The following CNTNAP2 variants were observed in gnomAD, a reference collection of about 807,000 sequenced individuals.
CNTNAP2 encodes the protein contactin associated protein 2.
Under a neutral mutation model 155.2 loss-of-function variants are expected in CNTNAP2, and 98 were observed. That is an observed-to-expected ratio of 0.63 (90% CI 0.54 to 0.75). CNTNAP2 has a LOEUF of 0.75. Ranked by LOEUF, CNTNAP2 falls within the 30% of genes least tolerant of loss-of-function variation. The probability of loss-of-function intolerance (pLI) is 0.00; values close to 1 mark genes in which losing one functional copy is unlikely to be tolerated. For synonymous variants in CNTNAP2, 651 were observed against 631.2 expected (o/e 1.03, Z -0.47); for missense variants, 1,727 against 1,688.1 (o/e 1.02, Z -0.40).
At chr7:146,856,281 GATAGATAGATAGATAGATAC>G (rs1395996568) in intron 3 of CNTNAP2, among the ~76,000 whole-genome samples, 2,624 of 138,930 alleles carry the variant, frequency 0.019, 40 homozygotes, top group African/African-American at 0.049. Flanking sequence ...TAGATAGATA[GATAGATAGATAGATAGATAC>G]ATACATACAT....
chr7:147,510,182 C>A (rs771912416), intron 11 of CNTNAP2, among the ~76,000 whole-genome samples: 4 of 152,138 alleles, frequency 2.6e-5, no homozygotes, highest in African/African-American at 4.8e-5. Flanking sequence ...GAAGATGAAA[C>A]CTGTCTGGGG....
At position 148,331,551 on chromosome 7, in the gene CNTNAP2, T is replaced by G. The variant is rs1798012994; in HGVS notation, c.3476-52098T>G. Among the ~76,000 whole-genome samples the G allele has an allele frequency of 1.3e-5, 2 of 149,670 alleles. 1 individual carries two copies. The highest frequency in any genetic ancestry group is 1.3e-4 in the Admixed American group (2 of 15,108). ...TGGATGGACGGATGGAGTGGATGGA[T>G]GGAATGGACGGATGGAGTGGATGGA... On this transcript the variant is annotated intron_variant, in intron 21 of 23. Coordinates refer to ENST00000361727, the MANE Select transcript of CNTNAP2 (RefSeq NM_014141.6).
chr7:147,286,113 A>G (rs1563146381), intron 8 of CNTNAP2, among the ~76,000 whole-genome samples: 1 of 152,098 alleles, frequency 6.6e-6, no homozygotes, highest in Non-Finnish European at 1.5e-5. Flanking sequence ...TGTCAAATAG[A>G]TATATCCTCA....
At chr7:146,169,553 A>G (rs1291217764) in intron 1 of CNTNAP2, among the ~76,000 whole-genome samples, 1 of 152,202 alleles carries the variant, frequency 6.6e-6, no homozygotes, top group Non-Finnish European at 1.5e-5. Context: ...ACAGTATAGT[A>G]TAATTAACTA....
chr7:147,920,318 T>C (rs1298684962), intron 14 of CNTNAP2, among the ~76,000 whole-genome samples: 2 of 139,840 alleles, frequency 1.4e-5, no homozygotes, highest in African/African-American at 5.5e-5. Context: ...ATGGCACCAC[T>C]GTACTCCAAC....
At chr7:147,959,990 AT>A (rs1212061985) in intron 14 of CNTNAP2, among the ~76,000 whole-genome samples, 1 of 152,116 alleles carries the variant, frequency 6.6e-6, no homozygotes, top group Non-Finnish European at 1.5e-5. Flanking sequence ...CTAAAACATT[AT>A]CCTTGGAATA....
chr7:147,369,872 C>A (rs987691503), intron 9 of CNTNAP2, among the ~76,000 whole-genome samples: 3 of 152,104 alleles, frequency 2.0e-5, no homozygotes, highest in Non-Finnish European at 2.9e-5. Context: ...AATAACAAAT[C>A]GAATTCATAC....
chr7:146,306,553 C>G (rs1800716623), intron 1 of CNTNAP2, among the ~76,000 whole-genome samples: 2 of 152,244 alleles, frequency 1.3e-5, no homozygotes, highest in South Asian at 4.1e-4. Flanking sequence ...CCACCACGAT[C>G]AAGTTGGCTT....
intron 1 of CNTNAP2, among the ~76,000 whole-genome samples, chr7:146,718,678 A>G (rs969115995): frequency 1.3e-5 from 2 of 152,170 alleles, no homozygotes; most frequent in African/African-American, 4.8e-5. Flanking sequence ...TTAGATAAGG[A>G]CAGATGGTTC....
chr7:147,427,680 A>C (rs1392644968), intron 10 of CNTNAP2, among the ~76,000 whole-genome samples: 1 of 152,320 alleles, frequency 6.6e-6, no homozygotes, highest in African/African-American at 2.4e-5. Context: ...AATGAAGTAC[A>C]TGAAGAGAAG....
At chr7:147,405,006 C>CTGT (rs1389057034) in intron 10 of CNTNAP2, among the ~76,000 whole-genome samples, 3 of 152,138 alleles carry the variant, frequency 2.0e-5, no homozygotes, top group African/African-American at 7.2e-5. Flanking sequence ...TCAACAGCAG[C>CTGT]TGTATTCTTC....
rs200200854 is a variant in CNTNAP2, at chr7:147,820,446, G to T, written c.2099-83119G>T. Among the ~76,000 whole-genome samples, 104 of 152,026 alleles carry T rather than the reference G, an allele frequency of 6.8e-4. 2 individuals are homozygous for T. The East Asian group carries it at 0.016, about 23-fold the overall frequency. ...TATTTGAATGATACATTTCCTGCCG[G>T]TCTATGATTTTATGATCTGCCTATT... On this transcript the variant is annotated intron_variant, in intron 13 of 23. Transcript: ENST00000361727.
chr7:146,333,295 A>G (rs1801216518), intron 1 of CNTNAP2, among the ~76,000 whole-genome samples: 1 of 152,114 alleles, frequency 6.6e-6, no homozygotes, highest in Non-Finnish European at 1.5e-5. Flanking sequence ...AACTGCTTTA[A>G]GAGTCAAAAT....
intron 1 of CNTNAP2, among the ~76,000 whole-genome samples, chr7:146,217,544 G>A (rs1193923202): frequency 2.0e-5 from 3 of 152,060 alleles, no homozygotes; most frequent in Admixed American, 2.0e-4. Flanking sequence ...CTGAGGCGCA[G>A]GGAAATTAAA....
At position 147,697,661 on chromosome 7, in the gene CNTNAP2, C is replaced by A. The variant is rs75736533; in HGVS notation, c.2098+58355C>A. On this transcript the variant is annotated intron_variant, in intron 13 of 23. Transcript: ENST00000361727. The stretch of plus-strand genomic sequence containing the variant: ...ATGGACTTCACAAGTTTCCGCCAAC[C>A]CCTTTACGTGGCACAGGGTGACTGG... 6.6e-3 allele frequency among the ~76,000 whole-genome samples: 1,007 copies of A among 152,174 alleles called. 11 individuals carry two copies. Among genetic ancestry groups the A allele is most frequent in the African/African-American group, 0.023 (948 of 41,522 alleles).
intron 1 of CNTNAP2, among the ~76,000 whole-genome samples, chr7:146,606,951 A>G (rs944642056): frequency 6.6e-6 from 1 of 152,180 alleles, no homozygotes; most frequent in African/African-American, 2.4e-5. Flanking sequence ...GTATAGTCAT[A>G]AAGTATACAG....
At chr7:146,692,230 A>G (rs1800710389) in intron 1 of CNTNAP2, among the ~76,000 whole-genome samples, 1 of 152,184 alleles carries the variant, frequency 6.6e-6, no homozygotes, top group Admixed American at 6.5e-5. Context: ...ATAAACATTT[A>G]CATAGAGACC....
At chr7:146,824,236 A>C (rs926802812) in intron 2 of CNTNAP2, among the ~76,000 whole-genome samples, 1 of 152,154 alleles carries the variant, frequency 6.6e-6, no homozygotes, top group Non-Finnish European at 1.5e-5. Flanking sequence ...TTATGGCTGC[A>C]TAGTATTCCA....
chr7:146,141,315 TC>T (rs1212296349), intron 1 of CNTNAP2, among the ~76,000 whole-genome samples: 1 of 152,202 alleles, frequency 6.6e-6, no homozygotes, highest in Non-Finnish European at 1.5e-5. Flanking sequence ...TGTTTACATA[TC>T]AATATATTAT....
Sources: allele counts gnomAD v4.1 joint callset (sites outside exome capture counted in the v4.1 genomes callset), GRCh38; gene constraint gnomAD v4.1.1; transcripts MANE v1.5; gene names NCBI Gene and HGNC (gene_info 2026-07-23, HGNC 2026-07-21).